The following DRC3 variants were observed in gnomAD, a reference collection of about 807,000 sequenced individuals.
DRC3 encodes leucine rich repeat containing 48.
Under a neutral mutation model 57.6 loss-of-function variants are expected in DRC3, and 45 were observed. The ratio of observed to expected loss-of-function variants is 0.78; its 90% CI spans 0.62 to 1.00. The LOEUF (loss-of-function observed/expected upper bound fraction) is 1.00. Among genes scored for constraint, DRC3 ranks in the 50% least tolerant of loss-of-function variants. The probability of loss-of-function intolerance (pLI) is 0.00; values close to 1 mark genes in which losing one functional copy is unlikely to be tolerated. For missense variants in DRC3, 655 were observed against 675.2 expected, an observed-to-expected ratio of 0.97 and a Z score of 0.33; for synonymous variants, 257 against 272.3, an observed-to-expected ratio of 0.94 and a Z score of 0.55.
At chr17:17,981,893 G>A (rs982859124) in intron 3 of DRC3, among the ~76,000 whole-genome samples, 1 of 151,788 alleles carries the variant, frequency 6.6e-6, no homozygotes, top group Non-Finnish European at 1.5e-5. Flanking sequence ...TTTCCATGTT[G>A]GCCAGGCTGG....
At chr17:17,975,001 G>C (rs1409012233) in intron 2 of DRC3, among the ~76,000 whole-genome samples, 1 of 152,170 alleles carries the variant, frequency 6.6e-6, no homozygotes, top group Non-Finnish European at 1.5e-5. Context: ...GTTGCCAAAA[G>C]ATGCACAGTC....
At chr17:18,006,097 G>C in intron 10 of DRC3, 86 bp from the exon 11 acceptor site, 1 of 911,526 alleles carries the variant, frequency 1.1e-6, no homozygotes, top group Non-Finnish European at 1.8e-6. Flanking sequence ...GATTAGAGGA[G>C]CTGGTTGCTA....
chr17:17,995,270 T>C (rs1254921565), intron 8 of DRC3, among the ~76,000 whole-genome samples, 159 bp downstream of exon 8: 2 of 152,172 alleles, frequency 1.3e-5, no homozygotes, highest in African/African-American at 4.8e-5. Flanking sequence ...CAGTTCAGAG[T>C]CCGGTCAGCT....
intron 7 of DRC3, 78 bp downstream of exon 7, chr17:17,994,496 C>T (rs1159547143): frequency 6.7e-7 from 1 of 1,501,570 alleles, no homozygotes; most frequent in East Asian, 2.5e-5. Flanking sequence ...AAACGGTCCT[C>T]AGGGATCCCC....
chr17:17,984,766 A>T (rs776584793), intron 4 of DRC3, among the ~76,000 whole-genome samples: 6 of 152,130 alleles, frequency 3.9e-5, no homozygotes, highest in African/African-American at 1.2e-4. Context: ...CACAGCCCAC[A>T]TTCCCTCCAT....
In DRC3 at chr17:17,973,407, T is replaced by A. The variant is rs558025362; in HGVS notation, c.-129+433T>A. Among the ~76,000 whole-genome samples, 4 of 152,304 alleles carry A rather than the reference T, an allele frequency of 2.6e-5. No homozygotes were observed. In the South Asian group the frequency reaches 6.2e-4, roughly 24 times the overall value. ...TGAATACGGCTACTCAAGTTCTGTA[T>A]CCGTCTCTGTCAGTAACTCATTGTA... is the stretch of plus-strand genomic sequence containing the variant. On this transcript the variant is annotated intron_variant, in intron 1 of 13. Coordinates refer to ENST00000399187, the MANE Select transcript of DRC3 (RefSeq NM_031294.4).
chr17:18,000,125 C>T (rs1351038876), intron 9 of DRC3, among the ~76,000 whole-genome samples: 1 of 143,586 alleles, frequency 7.0e-6, no homozygotes, highest in Non-Finnish European at 1.5e-5. Context: ...ATGCCTTGTT[C>T]TGTACTTTGC....
chr17:17,985,001 CCT>C (rs1287540722), intron 4 of DRC3, among the ~76,000 whole-genome samples: 1 of 152,096 alleles, frequency 6.6e-6, no homozygotes, highest in African/African-American at 2.4e-5. Context: ...ACAGCCAGGT[CCT>C]CTCACACCTG....
chr17:17,995,056 G>T lies in DRC3; in HGVS notation c.769G>T (p.Asp257Tyr). ...CCTGTTTGACAGCATGTACGCTGAG[G>T]ACTCAGAGGGCAACAATCTGTCCTA... ...SFLFDSMYAE[D>Y]SEGNNLSYLP... is the part of the protein sequence containing the mutation. The change falls in exon 8 of 14, where the codon GAC becomes TAC. Residue 257 changes from aspartate (D) to tyrosine (Y), a missense_variant. Asp to Tyr is a radical substitution (Grantham distance 160, BLOSUM62 -3). Coordinates refer to ENST00000399187, the MANE Select transcript of DRC3 (RefSeq NM_031294.4). The T allele has an allele frequency of 6.2e-7, 1 of 1,613,984 alleles. No individual in the cohort carries two copies. Among genetic ancestry groups the T allele is most frequent in the South Asian group, 1.1e-5 (1 of 91,072 alleles).
At chr17:17,999,091 T>A (rs2043581740) in intron 9 of DRC3, among the ~76,000 whole-genome samples, 1 of 152,142 alleles carries the variant, frequency 6.6e-6, no homozygotes, top group South Asian at 2.1e-4. Flanking sequence ...GCTAGCTGGC[T>A]CTTCCTGAGG....
At chr17:17,988,657 T>C (rs1361956021) in intron 5 of DRC3, 2 of 153,198 alleles carry the variant, frequency 1.3e-5, no homozygotes, top group Non-Finnish European at 2.9e-5. Flanking sequence ...ACACATCAGA[T>C]GGCTCCTGGC....
At chr17:17,981,145 A>G in intron 3 of DRC3, 1 of 181,432 alleles carries the variant, frequency 5.5e-6, no homozygotes. Context: ...GTACATTAGA[A>G]AAAGAGAGCT....
At position 18,016,572 on chromosome 17, in the gene DRC3, G is replaced by C; in HGVS notation, c.1473G>C (p.Glu491Asp). 1 of 1,613,456 alleles carries C rather than the reference G, an allele frequency of 6.2e-7. No individual in the cohort carries two copies. Among genetic ancestry groups the C allele is most frequent in the Non-Finnish European group, 8.5e-7 (1 of 1,179,494 alleles). ...TCACTCCTCAGATTCACAAGGATGA[G>C]ATCATGAGGAACCGCAAGCGCGTGA... ...TRLIDRIHKD[E>D]IMRNRKRVKE... Residue 491 changes from glutamate to aspartate, a missense_variant, in exon 14 of 14, where the codon GAG (glutamate) becomes GAC (aspartate). Transcript: ENST00000399187.
In DRC3 at chr17:17,986,414, A is replaced by T. The variant is rs77574548; in HGVS notation, c.278-1518A>T. ...AATGTCAACAGGTGAGCATCCCCTG[A>T]TATGCGGAGGAGGCTATATTAAGAT... On this transcript the variant is annotated intron_variant, in intron 4 of 13. Transcript: ENST00000399187. Among the ~76,000 whole-genome samples the T allele has an allele frequency of 4.8e-3, 724 of 151,220 alleles. 6 individuals are homozygous for T. The highest frequency in any genetic ancestry group is 0.017 in the African/African-American group (699 of 41,260).
At chr17:18,007,879 C>A in intron 12 of DRC3, 1 of 1,004,178 alleles carries the variant, frequency 1.0e-6, no homozygotes, top group Non-Finnish European at 1.2e-6. Flanking sequence ...CAAGGCAAGC[C>A]ACCATCGTCC....
intron 6 of DRC3, chr17:17,993,237 G>A: frequency 9.1e-6 from 2 of 219,706 alleles, no homozygotes; most frequent in Non-Finnish European, 1.8e-5. Context: ...TGTAATCCCA[G>A]CACTTTGAGA....
intron 10 of DRC3, chr17:18,004,852 G>A: frequency 4.8e-6 from 1 of 208,174 alleles, no homozygotes; most frequent in Non-Finnish European, 9.7e-6. Context: ...ATTGCAGCCT[G>A]CAGTTGCCGC....
At chr17:18,013,932 A>ATTT (rs35745875) in intron 12 of DRC3, among the ~76,000 whole-genome samples, 2 of 135,898 alleles carry the variant, frequency 1.5e-5, no homozygotes, top group Admixed American at 7.4e-5. Context: ...TTTAATGCCA[A>ATTT]TTTTTTTTTT....
At chr17:18,012,277 T>C (rs957095170) in intron 12 of DRC3, among the ~76,000 whole-genome samples, 2 of 152,182 alleles carry the variant, frequency 1.3e-5, no homozygotes, top group Admixed American at 6.5e-5. Context: ...GTCTCTTCAA[T>C]AGATTTTGCT....
Sources: gnomAD v4.1 joint callset for allele counts (sites outside exome capture counted in the v4.1 genomes callset) on GRCh38, gnomAD v4.1.1 for gene constraint, MANE v1.5 for transcripts, NCBI Gene and HGNC (gene_info 2026-07-23, HGNC 2026-07-21) for gene names.